TOM1: variants seen among roughly 807,000 people sequenced by gnomAD.
TOM1 encodes target of Myb protein 1.
A neutral mutation model predicts 61.3 loss-of-function variants in TOM1; 38 were observed. The observed-to-expected ratio is 0.62, with a 90% CI of 0.48 to 0.81. The LOEUF is 0.81. Ranked by LOEUF, TOM1 falls within the 40% of genes least tolerant of loss-of-function variation. The pLI, the probability that TOM1 is intolerant of heterozygous loss-of-function variation, is 0.00. For synonymous variants in TOM1, 270 were observed against 268.8 expected (o/e 1.00, Z -0.04); for missense variants, 591 against 659.6 (o/e 0.90, Z 1.14).
intron 1 of TOM1, among the ~76,000 whole-genome samples, chr22:35,315,066 G>A (rs1927166910): frequency 6.6e-6 from 1 of 152,214 alleles, no homozygotes; most frequent in African/African-American, 2.4e-5. Context: ...TGGGCAGGAA[G>A]GACACTGTCA....
chr22:35,313,793 G>A (rs555308274), intron 1 of TOM1, among the ~76,000 whole-genome samples: 3 of 152,326 alleles, frequency 2.0e-5, no homozygotes, highest in Non-Finnish European at 2.9e-5. Context: ...CCAGTGATCC[G>A]AAGCCACAGG....
At chr22:35,327,838 A>G (rs4466) in intron 7 of TOM1, among the ~76,000 whole-genome samples, 133,506 of 152,152 alleles carry the variant, frequency 0.88, 58,762 homozygotes, top group African/African-American at 0.91. Context: ...CCAGCCACTG[A>G]TCTTGGGGAG....
intron 1 of TOM1, among the ~76,000 whole-genome samples, chr22:35,308,723 C>T (rs868461535): frequency 3.3e-5 from 5 of 152,236 alleles, no homozygotes; most frequent in South Asian, 4.1e-4. Context: ...CACTTCAAGC[C>T]TCTGCCTTCA....
In TOM1 at chr22:35,299,992, G is replaced by C; in HGVS notation, c.52+12G>C. 6.4e-7 allele frequency: 1 copy of C among 1,565,690 alleles called. No individual in the cohort carries two copies. The highest frequency in any genetic ancestry group is 8.7e-7 in the Non-Finnish European group (1 of 1,154,536). ...GGGACAGCGCATCGGTGAGTCCCTG[G>C]AGCCCCCCACAGCTCCGCCCCGGTG... On this transcript the variant is annotated intron_variant, in intron 1 of 14. Transcript: ENST00000449058.
chr22:35,339,317 C>G (rs1327393116), intron 12 of TOM1, among the ~76,000 whole-genome samples: 1 of 151,726 alleles, frequency 6.6e-6, no homozygotes, highest in Non-Finnish European at 1.5e-5. Context: ...GGTGACAGAG[C>G]AAGACTCCAT....
At chr22:35,300,119 C>T (rs1925601422) in intron 1 of TOM1, 139 bp downstream of exon 1, 3 of 936,714 alleles carry the variant, frequency 3.2e-6, no homozygotes, top group Non-Finnish European at 4.8e-6. Flanking sequence ...CTGGCTCCGC[C>T]CAGCTTTCCT....
In TOM1 at chr22:35,321,922, C is replaced by G. The variant is rs139733763; in HGVS notation, c.138-37C>G. 387 of 1,570,212 alleles carry G rather than the reference C, an allele frequency of 2.5e-4. No homozygotes were observed. The African/African-American group carries it at 4.6e-3, about 19-fold the overall frequency. On this transcript the variant is annotated intron_variant, in intron 2 of 14. Coordinates refer to ENST00000449058, the MANE Select transcript of TOM1 (RefSeq NM_005488.3). ...GTCTCTGGTGTTAGGTAAGGGGGCTCTATTCCTAAGCCCACCCTTTTTCTT... is the reference window on the plus strand; with the variant it reads ...GTCTCTGGTGTTAGGTAAGGGGGCTGTATTCCTAAGCCCACCCTTTTTCTT...
At chr22:35,318,317 CG>C in intron 2 of TOM1, 1 of 344,554 alleles carries the variant, frequency 2.9e-6, no homozygotes, top group Non-Finnish European at 5.4e-6. Flanking sequence ...ATTCTGCAGG[CG>C]GGAGTGTGTA....
At chr22:35,343,433 C>G (rs1435971164) in intron 12 of TOM1, among the ~76,000 whole-genome samples, 1 of 137,998 alleles carries the variant, frequency 7.2e-6, no homozygotes, top group Non-Finnish European at 1.6e-5. Flanking sequence ...ACACACATAT[C>G]TACACCCACC....
chr22:35,322,106 A>G, intron 3 of TOM1, 69 bp downstream of exon 3: 1 of 1,429,748 alleles, frequency 7.0e-7, no homozygotes, highest in Non-Finnish European at 9.9e-7. Context: ...CCTCAGACCC[A>G]GCAGGACTCC....
intron 1 of TOM1, among the ~76,000 whole-genome samples, chr22:35,313,051 T>C (rs1926970582): frequency 6.6e-6 from 1 of 151,852 alleles, no homozygotes; most frequent in African/African-American, 2.4e-5. Context: ...TGGAAAGGGG[T>C]GATACTGGCC....
At chr22:35,339,829 A>G (rs1043060609) in intron 12 of TOM1, among the ~76,000 whole-genome samples, 1 of 151,292 alleles carries the variant, frequency 6.6e-6, no homozygotes, top group Non-Finnish European at 1.5e-5. Context: ...GCGTGAACCC[A>G]GGAGGCGGAG....
chr22:35,322,929 G>A, intron 3 of TOM1, 99 bp from the exon 4 acceptor site: 2 of 1,427,620 alleles, frequency 1.4e-6, no homozygotes, highest in Non-Finnish European at 9.5e-7. Flanking sequence ...CCTCTCCCGG[G>A]CCTCCTCTCT....
intron 11 of TOM1, among the ~76,000 whole-genome samples, chr22:35,337,234 A>G (rs1235161855): frequency 6.6e-6 from 1 of 152,084 alleles, no homozygotes; most frequent in Non-Finnish European, 1.5e-5. Flanking sequence ...TGGCCCAGAT[A>G]GTTGTTTTGA....
intron 1 of TOM1, among the ~76,000 whole-genome samples, chr22:35,304,779 A>G (rs896980181): frequency 4.6e-5 from 7 of 152,182 alleles, no homozygotes; most frequent in Non-Finnish European, 1.0e-4. Flanking sequence ...CACCCGGCCT[A>G]CTGGCTCTGT....
At chr22:35,345,247 A>C (rs1930406533) in intron 12 of TOM1, 1 of 187,406 alleles carries the variant, frequency 5.3e-6, no homozygotes, top group East Asian at 1.3e-4. Context: ...CTGCAGAGAC[A>C]CCAGGGGATG....
intron 12 of TOM1, 147 bp from the exon 13 acceptor site, chr22:35,345,578 A>G (rs1930434227): frequency 1.4e-6 from 1 of 729,800 alleles, no homozygotes. Context: ...AGCCTGGCAC[A>G]GCGGGCCCAG....
intron 8 of TOM1, 58 bp downstream of exon 8, chr22:35,330,538 TCCTCCCTG>T: frequency 6.7e-7 from 1 of 1,496,424 alleles, no homozygotes; most frequent in South Asian, 1.3e-5. Flanking sequence ...TCCCTTCCCT[TCCTCCCTG>T]TTCTCCTGGT....
In TOM1 at chr22:35,305,860, G is replaced by A. The variant is rs115702293; in HGVS notation, c.52+5880G>A. On this transcript the variant is annotated intron_variant, in intron 1 of 14. Transcript: ENST00000449058. ...CACTGGAGCTGTGAAGGCAGAAGCC[G>A]GGGTGGGGAGGGCGACTATAAAGAG... is the stretch of plus-strand genomic sequence containing the variant. Among the ~76,000 whole-genome samples the A allele has an allele frequency of 1.4e-3, 218 of 151,990 alleles. 1 individual carries two copies. The highest frequency in any genetic ancestry group is 5.0e-3 in the African/African-American group (206 of 41,506).
Sources: gnomAD v4.1 joint callset for allele counts (sites outside exome capture counted in the v4.1 genomes callset) on GRCh38, gnomAD v4.1.1 for gene constraint, MANE v1.5 for transcripts, NCBI Gene and HGNC (gene_info 2026-07-23, HGNC 2026-07-21) for gene names.